The following CDH12 variants were observed in gnomAD, a reference collection of about 807,000 sequenced individuals.
The protein encoded by CDH12 is cadherin 12, also known as cadherin-12.
CDH12 carries 41 observed loss-of-function variants against 74.1 expected under a neutral mutation model. That is an observed-to-expected ratio of 0.55 (90% CI 0.43 to 0.72). The LOEUF (loss-of-function observed/expected upper bound fraction) is 0.72. CDH12 is among the 30% of genes least tolerant of loss of function. The pLI is 0.00. For synonymous variants in CDH12, 399 were observed against 355.0 expected (o/e 1.12, Z -1.39); for missense variants, 945 against 977.2 (o/e 0.97, Z 0.44).
At chr5:22,346,122 AAG>A (rs1491284734) in intron 3 of CDH12, among the ~76,000 whole-genome samples, 20 of 151,518 alleles carry the variant, frequency 1.3e-4, no homozygotes, top group Middle Eastern at 3.4e-3. Context: ...AAAAAAAAAA[AAG>A]GAGAATATGG....
intron 3 of CDH12, among the ~76,000 whole-genome samples, chr5:22,354,502 G>T (rs1195925310): frequency 6.6e-6 from 1 of 152,190 alleles, no homozygotes; most frequent in Non-Finnish European, 1.5e-5. Context: ...ACTCCTAATA[G>T]CAGGGCAGAC....
At chr5:22,621,755 T>C (rs553174922) in intron 1 of CDH12, among the ~76,000 whole-genome samples, 3 of 152,228 alleles carry the variant, frequency 2.0e-5, no homozygotes, top group East Asian at 3.9e-4. Flanking sequence ...ATGCCATTTA[T>C]ATATTTCTCA....
At chr5:22,487,424 T>C (rs1304961646) in intron 2 of CDH12, among the ~76,000 whole-genome samples, 2 of 151,900 alleles carry the variant, frequency 1.3e-5, no homozygotes, top group African/African-American at 4.8e-5. Context: ...AATTTGACAA[T>C]AATAGAAGGA....
rs544285812 is a variant in CDH12 at position 22,047,407 on chromosome 5, C to T, written c.231+31039G>A. ...TCTTCTAACGTTGACTAACATTTAC[C>T]ACACTTTCCATAATGACAACTTATT... On this transcript the variant is annotated intron_variant, in intron 5 of 14. Coordinates refer to ENST00000382254, the MANE Select transcript of CDH12 (RefSeq NM_004061.5). 2.6e-5 allele frequency among the ~76,000 whole-genome samples: 4 copies of T among 152,126 alleles called. No homozygotes were observed. In the East Asian group the frequency reaches 7.7e-4, roughly 29 times the overall value.
intron 1 of CDH12, among the ~76,000 whole-genome samples, chr5:22,809,044 C>T (rs1748975066): frequency 6.6e-6 from 1 of 150,890 alleles, no homozygotes; most frequent in Admixed American, 6.6e-5. Flanking sequence ...CCAGAAATGC[C>T]TAAACAATAA....
intron 6 of CDH12, among the ~76,000 whole-genome samples, chr5:21,866,444 C>T (rs1277568948): frequency 6.6e-6 from 1 of 152,072 alleles, no homozygotes; most frequent in Non-Finnish European, 1.5e-5. Flanking sequence ...GAGGTGGTCT[C>T]AGATGGAGAT....
At chr5:21,882,777 A>T in intron 6 of CDH12, 1 of 1,590,814 alleles carries the variant, frequency 6.3e-7, no homozygotes, top group Non-Finnish European at 8.6e-7. Flanking sequence ...AAGAACAGTG[A>T]TTATTGAGCA....
intron 8 of CDH12, among the ~76,000 whole-genome samples, chr5:21,840,917 T>G (rs1749806912): frequency 6.6e-6 from 1 of 151,990 alleles, no homozygotes. Context: ...GAAGAAAACC[T>G]AGGCATTACC....
Position 22,543,597 on chromosome 5 carries a change from T to G in CDH12, c.-522-38233A>C, listed in dbSNP as rs565433936. 3.3e-4 allele frequency among the ~76,000 whole-genome samples: 51 copies of G among 152,304 alleles called. No individual in the cohort carries two copies. The East Asian group carries it at 5.0e-3, about 15-fold the overall frequency. ...CCAAGAAGTAAATGTTGTGATTTCT[T>G]CATTTCTGAGAACCTACAGTCTAGA... On this transcript the variant is annotated intron_variant, in intron 1 of 14. Coordinates refer to ENST00000382254, the MANE Select transcript of CDH12 (RefSeq NM_004061.5).
At chr5:22,539,533 A>G (rs1341933284) in intron 1 of CDH12, among the ~76,000 whole-genome samples, 1 of 152,188 alleles carries the variant, frequency 6.6e-6, no homozygotes. Context: ...GACACAACCA[A>G]TCGTCTCCTT....
chr5:22,243,154 A>G (rs1752809512), intron 3 of CDH12, among the ~76,000 whole-genome samples: 1 of 152,158 alleles, frequency 6.6e-6, no homozygotes, highest in South Asian at 2.1e-4. Flanking sequence ...AGGTGGACTG[A>G]TATGGAACCA....
intron 10 of CDH12, among the ~76,000 whole-genome samples, chr5:21,797,261 T>A (rs1746839357): frequency 2.0e-5 from 3 of 152,072 alleles, no homozygotes; most frequent in Admixed American, 6.6e-5. Context: ...CCTAAATTAA[T>A]ATCTTGCACA....
chr5:22,188,876 C>T (rs1481785510), intron 4 of CDH12, among the ~76,000 whole-genome samples: 3 of 152,144 alleles, frequency 2.0e-5, no homozygotes, highest in Non-Finnish European at 2.9e-5. Context: ...GAATAACTCT[C>T]CTAATGTGAA....
At chr5:21,901,739 G>A (rs1753396027) in intron 6 of CDH12, among the ~76,000 whole-genome samples, 1 of 152,052 alleles carries the variant, frequency 6.6e-6, no homozygotes, top group Non-Finnish European at 1.5e-5. Flanking sequence ...GCAACCAGGT[G>A]TTCTCCCTCA....
chr5:22,159,891 G>C (rs1258692557), intron 4 of CDH12, among the ~76,000 whole-genome samples: 1 of 152,134 alleles, frequency 6.6e-6, no homozygotes, highest in Non-Finnish European at 1.5e-5. Context: ...ACATAGTCAA[G>C]ACAGTAGCAA....
chr5:22,486,721 G>T (rs935900120), intron 2 of CDH12, among the ~76,000 whole-genome samples: 1 of 152,020 alleles, frequency 6.6e-6, no homozygotes, highest in Non-Finnish European at 1.5e-5. Context: ...CCAAAGTGCT[G>T]GGATTACAGG....
At chr5:22,189,885 T>C (rs1440755583) in intron 4 of CDH12, among the ~76,000 whole-genome samples, 2 of 152,132 alleles carry the variant, frequency 1.3e-5, no homozygotes, top group African/African-American at 4.8e-5. Context: ...GGGCTGCATT[T>C]TGTTGTGACT....
rs997681765 is a variant in CDH12, at chr5:22,534,243, T to A, written c.-522-28879A>T. Reference sequence around the variant, plus strand: ...GTAGGTTATTGGGAAACAGGTGGTGTTTGGTTACATGAGTACGTTATTTAG... The same window carrying A: ...GTAGGTTATTGGGAAACAGGTGGTGATTGGTTACATGAGTACGTTATTTAG... On this transcript the variant is annotated intron_variant, in intron 1 of 14. Coordinates refer to ENST00000382254, the MANE Select transcript of CDH12 (RefSeq NM_004061.5). Among the ~76,000 whole-genome samples, 3 of 152,132 alleles carry A rather than the reference T, an allele frequency of 2.0e-5. No homozygotes were observed. The East Asian group carries it at 5.8e-4, about 30-fold the overall frequency.
intron 1 of CDH12, among the ~76,000 whole-genome samples, chr5:22,821,433 G>A (rs1454343100): frequency 6.6e-6 from 1 of 152,136 alleles, no homozygotes; most frequent in Admixed American, 6.5e-5. Flanking sequence ...TAGGAAAAGA[G>A]GAAGTCAAAT....
Sources: allele counts gnomAD v4.1 joint callset (sites outside exome capture counted in the v4.1 genomes callset), GRCh38; gene constraint gnomAD v4.1.1; transcripts MANE v1.5; gene names NCBI Gene and HGNC (gene_info 2026-07-23, HGNC 2026-07-21).